ITGB6: variants seen among roughly 807,000 people sequenced by gnomAD.
The protein encoded by ITGB6 is integrin beta-6.
ITGB6 carries 80 observed loss-of-function variants against 84.5 expected under a neutral mutation model. The observed-to-expected ratio is 0.95, with a 90% CI of 0.79 to 1.14. The LOEUF is 1.14. Ranked by LOEUF, ITGB6 falls within the 50% of genes most tolerant of loss-of-function variation. The pLI is 0.00. For synonymous variants in ITGB6, 383 were observed against 354.9 expected, an observed-to-expected ratio of 1.08 and a Z score of -0.89; for missense variants, 1,006 against 968.0, an observed-to-expected ratio of 1.04 and a Z score of -0.52.
chr2:160,109,117 A>G (rs1323956202), intron 13 of ITGB6, among the ~76,000 whole-genome samples: 2 of 152,200 alleles, frequency 1.3e-5, no homozygotes, highest in Admixed American at 1.3e-4. Context: ...GCTGTCTTTA[A>G]GGTAAGGATC....
intron 7 of ITGB6, among the ~76,000 whole-genome samples, chr2:160,159,621 G>A (rs1162876068): frequency 6.6e-6 from 1 of 151,982 alleles, no homozygotes; most frequent in African/African-American, 2.4e-5. Flanking sequence ...CTCACTCCAG[G>A]CCAACTGGCC....
chr2:160,160,043 G>A (rs1684761578), intron 7 of ITGB6, among the ~76,000 whole-genome samples: 2 of 152,146 alleles, frequency 1.3e-5, no homozygotes, highest in Non-Finnish European at 2.9e-5. Flanking sequence ...CGAAGGCAGG[G>A]ATTGGCTATG....
chr2:160,112,444 C>T (rs1303125432), intron 12 of ITGB6, among the ~76,000 whole-genome samples: 5 of 151,820 alleles, frequency 3.3e-5, no homozygotes, highest in South Asian at 2.1e-4. Flanking sequence ...CAAACGGATA[C>T]GGGCAGGATT....
intron 4 of ITGB6, among the ~76,000 whole-genome samples, chr2:160,191,132 C>G (rs1467567490): frequency 6.6e-6 from 1 of 152,176 alleles, no homozygotes; most frequent in Non-Finnish European, 1.5e-5. Context: ...TTGTTAGCAC[C>G]AAGCTTATTT....
chr2:160,192,285 T>A lies in ITGB6; in HGVS notation c.593+3084A>T, dbSNP rs553011890. On this transcript the variant is annotated intron_variant, in intron 4 of 14. Coordinates refer to ENST00000283249, the MANE Select transcript of ITGB6 (RefSeq NM_000888.5). ...TACATGGGTATATGCAATGGATCAA[T>A]GAAACAGAATAGTGTCCAGAATTAG... Among the ~76,000 whole-genome samples, 8 of 152,254 alleles carry A rather than the reference T, an allele frequency of 5.3e-5. No individual in the cohort carries two copies. The East Asian group carries it at 1.3e-3, about 26-fold the overall frequency.
chr2:160,190,738 C>G (rs564811555), intron 4 of ITGB6, among the ~76,000 whole-genome samples: 1 of 152,062 alleles, frequency 6.6e-6, no homozygotes, highest in South Asian at 2.1e-4. Flanking sequence ...ACTTGAAGCC[C>G]GATTAAGGAC....
At chr2:160,167,699 A>G (rs945544302) in intron 7 of ITGB6, among the ~76,000 whole-genome samples, 1 of 152,212 alleles carries the variant, frequency 6.6e-6, no homozygotes, top group East Asian at 1.9e-4. Context: ...TTTGCCATGT[A>G]GTTATTTTTC....
chr2:160,128,474 A>T (rs1031860315), intron 10 of ITGB6, among the ~76,000 whole-genome samples: 7 of 152,190 alleles, frequency 4.6e-5, no homozygotes, highest in African/African-American at 1.4e-4. Flanking sequence ...CTATCCTGAA[A>T]GTTTTGTCTA....
At chr2:160,156,624 C>T (rs957203367) in intron 7 of ITGB6, among the ~76,000 whole-genome samples, 3 of 152,136 alleles carry the variant, frequency 2.0e-5, no homozygotes, top group African/African-American at 7.2e-5. Flanking sequence ...TAGAGCTAAC[C>T]GTTAGACCTC....
At chr2:160,132,758 T>C (rs1027218392) in intron 10 of ITGB6, among the ~76,000 whole-genome samples, 26 of 152,158 alleles carry the variant, frequency 1.7e-4, no homozygotes, top group African/African-American at 6.0e-4. Flanking sequence ...GATTTTACAA[T>C]AGTCATATAC....
intron 4 of ITGB6, among the ~76,000 whole-genome samples, chr2:160,179,645 G>T (rs1304392181): frequency 2.7e-5 from 4 of 150,036 alleles, no homozygotes; most frequent in South Asian, 4.2e-4. Flanking sequence ...TGCCCACCTC[G>T]GCCTCCCAAG....
chr2:160,113,935 T>A (rs1021204572), intron 12 of ITGB6, among the ~76,000 whole-genome samples: 2 of 152,206 alleles, frequency 1.3e-5, no homozygotes, highest in African/African-American at 4.8e-5. Context: ...TTCTTGCTTC[T>A]TTCCCCCTCT....
At chr2:160,178,438 A>ATT (rs958262011) in intron 4 of ITGB6, among the ~76,000 whole-genome samples, 3 of 152,192 alleles carry the variant, frequency 2.0e-5, no homozygotes, top group African/African-American at 7.2e-5. Flanking sequence ...TAGCAGTCCT[A>ATT]TTTTTTGTGA....
At chr2:160,132,923 C>T (rs551270533) in intron 10 of ITGB6, among the ~76,000 whole-genome samples, 395 of 152,162 alleles carry the variant, frequency 2.6e-3, no homozygotes, top group Non-Finnish European at 4.1e-3. Flanking sequence ...AGTTACTCAT[C>T]TTTCTTATGC....
At chr2:160,186,451 A>G (rs1376503033) in intron 4 of ITGB6, among the ~76,000 whole-genome samples, 2 of 152,324 alleles carry the variant, frequency 1.3e-5, no homozygotes, top group Non-Finnish European at 2.9e-5. Context: ...GCAATCATTA[A>G]AAAGTAGGAA....
chr2:160,120,917 G>T (rs1683006201), intron 12 of ITGB6, among the ~76,000 whole-genome samples: 1 of 140,130 alleles, frequency 7.1e-6, no homozygotes, highest in South Asian at 2.5e-4. Context: ...GTTGTGGGAT[G>T]GGGGAGGGGG....
chr2:160,129,392 CAAAA>C (rs374921878), intron 10 of ITGB6, among the ~76,000 whole-genome samples: 1 of 126,820 alleles, frequency 7.9e-6, no homozygotes, highest in African/African-American at 3.0e-5. Context: ...TACTTTTCTT[CAAAA>C]AAAAAAAAAA....
intron 7 of ITGB6, among the ~76,000 whole-genome samples, chr2:160,167,458 G>A (rs570512709): frequency 4.6e-5 from 7 of 152,280 alleles, no homozygotes; most frequent in Admixed American, 2.0e-4. Context: ...CTGGACTGTC[G>A]TATGACCCCT....
intron 10 of ITGB6, among the ~76,000 whole-genome samples, chr2:160,128,884 G>T (rs1017617598): frequency 9.9e-5 from 15 of 152,102 alleles, no homozygotes; most frequent in Non-Finnish European, 2.1e-4. Flanking sequence ...GAGCTCAAGG[G>T]GCCTGTGGGA....
Sources: gnomAD v4.1 joint callset for allele counts (sites outside exome capture counted in the v4.1 genomes callset) on GRCh38, gnomAD v4.1.1 for gene constraint, MANE v1.5 for transcripts, NCBI Gene and HGNC (gene_info 2026-07-23, HGNC 2026-07-21) for gene names.